The following USP48 variants were observed in gnomAD, a reference collection of about 807,000 sequenced individuals.
USP48 encodes the protein ubiquitin specific peptidase 48, also known as ubiquitin carboxyl-terminal hydrolase 48.
In USP48, 43 loss-of-function variants were observed where a neutral mutation model predicts 150.7. That is an observed-to-expected ratio of 0.29 (90% CI 0.22 to 0.37). USP48 has a LOEUF of 0.37. Ranked by LOEUF, USP48 falls within the 10% of genes least tolerant of loss-of-function variation. The probability of loss-of-function intolerance (pLI) is 1.00; values close to 1 mark genes in which losing one functional copy is unlikely to be tolerated. For synonymous variants in USP48, 396 were observed against 425.9 expected, an observed-to-expected ratio of 0.93 and a Z score of 0.86; for missense variants, 813 against 1,249.6, an observed-to-expected ratio of 0.65 and a Z score of 5.27.
intron 9 of USP48, among the ~76,000 whole-genome samples, chr1:21,734,186 G>A (rs755570685): frequency 9.2e-5 from 14 of 152,146 alleles, no homozygotes; most frequent in Non-Finnish European, 1.6e-4. Flanking sequence ...ATCGTCTAAG[G>A]GCAGGAATTC....
At chr1:21,721,277 AC>A in intron 13 of USP48, 111 bp from the exon 14 acceptor site, 1 of 1,409,742 alleles carries the variant, frequency 7.1e-7, no homozygotes. Flanking sequence ...AACATCAGCT[AC>A]TGTACATGTA....
chr1:21,746,479 TA>T (rs1320371216), intron 8 of USP48, among the ~76,000 whole-genome samples: 1 of 151,790 alleles, frequency 6.6e-6, no homozygotes, highest in Non-Finnish European at 1.5e-5. Flanking sequence ...CATAATATTT[TA>T]TAAGTACTAC....
At position 21,702,876 on chromosome 1, in the gene USP48, G is replaced by A. The variant is rs767970807; in HGVS notation, c.2622+636C>T. ...ACATGGCCAGTGACTACTGCAGTGC[G>A]CAGCACAGATACAGAACCTAGAACC... On this transcript the variant is annotated intron_variant, in intron 21 of 26. Coordinates refer to ENST00000308271, the MANE Select transcript of USP48 (RefSeq NM_032236.8). 3.3e-5 allele frequency among the ~76,000 whole-genome samples: 5 copies of A among 152,336 alleles called. No homozygotes were observed. The South Asian group carries it at 1.0e-3, about 32-fold the overall frequency.
intron 26 of USP48, among the ~76,000 whole-genome samples, chr1:21,680,523 T>C (rs1355422436): frequency 6.6e-6 from 1 of 152,186 alleles, no homozygotes; most frequent in Admixed American, 6.5e-5. Flanking sequence ...GAAATGCCAC[T>C]AGCTAATTTC....
intron 8 of USP48, among the ~76,000 whole-genome samples, chr1:21,737,931 T>C (rs2097772162): frequency 6.6e-6 from 1 of 152,100 alleles, no homozygotes; most frequent in Non-Finnish European, 1.5e-5. Flanking sequence ...CGGGGTCTTG[T>C]TCTGTCACCA....
At chr1:21,718,327 A>C (rs2097710371) in intron 14 of USP48, among the ~76,000 whole-genome samples, 1 of 152,246 alleles carries the variant, frequency 6.6e-6, no homozygotes, top group Non-Finnish European at 1.5e-5. Flanking sequence ...CTGTATTATA[A>C]AAAGCCACTA....
chr1:21,689,274 G>C (rs552837669), intron 24 of USP48, among the ~76,000 whole-genome samples: 1 of 137,752 alleles, frequency 7.3e-6, no homozygotes, highest in South Asian at 2.4e-4. Flanking sequence ...AGTATCATTA[G>C]TGTGGTTTTA....
chr1:21,715,826 T>C (rs193277441), intron 14 of USP48, among the ~76,000 whole-genome samples: 1 of 152,332 alleles, frequency 6.6e-6, no homozygotes, highest in Admixed American at 6.5e-5. Context: ...CCTACACTTT[T>C]TGGGGGTGAA....
intron 20 of USP48, among the ~76,000 whole-genome samples, chr1:21,703,856 C>T (rs2097664545): frequency 6.6e-6 from 1 of 152,140 alleles, no homozygotes; most frequent in African/African-American, 2.4e-5. Flanking sequence ...CTCAGCCTCT[C>T]AGCGAGTAGC....
At chr1:21,706,374 A>T in intron 17 of USP48, 93 bp downstream of exon 17, 1 of 1,565,834 alleles carries the variant, frequency 6.4e-7, no homozygotes, top group East Asian at 2.2e-5. Flanking sequence ...AGAATATGAG[A>T]AGTTCTGGGT....
At chr1:21,767,142 C>T (rs1412532315) in intron 1 of USP48, among the ~76,000 whole-genome samples, 1 of 152,132 alleles carries the variant, frequency 6.6e-6, no homozygotes, top group Non-Finnish European at 1.5e-5. Context: ...ACTCTACTCC[C>T]AGGCTCAGGT....
intron 3 of USP48, among the ~76,000 whole-genome samples, chr1:21,753,823 TAAAAAAAAAA>T (rs11308463): frequency 8.1e-5 from 7 of 86,638 alleles, no homozygotes; most frequent in African/African-American, 3.2e-4. Context: ...CGAGACTCTT[TAAAAAAAAAA>T]AAAAAAAAAA....
In USP48 at chr1:21,778,074, C is replaced by T. The variant is rs529196273; in HGVS notation, c.134+4750G>A. On this transcript the variant is annotated intron_variant, in intron 1 of 26. Transcript: ENST00000308271. ...AGGAGAATCGCTTGAACCTGGGAGG[C>T]GGAGGTTACAGTGAGCCGAGATGGC... Among the ~76,000 whole-genome samples the T allele has an allele frequency of 2.6e-3, 396 of 149,674 alleles. 1 individual carries two copies. Among genetic ancestry groups the T allele is most frequent in the Admixed American group, 5.4e-3 (81 of 15,000 alleles).
intron 8 of USP48, among the ~76,000 whole-genome samples, chr1:21,743,009 T>A (rs977961344): frequency 1.3e-5 from 2 of 152,184 alleles, no homozygotes; most frequent in Non-Finnish European, 2.9e-5. Flanking sequence ...TTAAAGTGGT[T>A]TAAAAATTTT....
chr1:21,774,351 G>C (rs972151351), intron 1 of USP48, among the ~76,000 whole-genome samples: 6 of 151,976 alleles, frequency 3.9e-5, no homozygotes, highest in Non-Finnish European at 7.4e-5. Flanking sequence ...CTATCTGTAT[G>C]TATGCTATGT....
At chr1:21,713,096 C>G (rs1229549055) in intron 15 of USP48, among the ~76,000 whole-genome samples, 1 of 148,122 alleles carries the variant, frequency 6.8e-6, no homozygotes, top group Non-Finnish European at 1.5e-5. Context: ...CTTTCTCACT[C>G]TCTCTTTCTT....
At chr1:21,701,472 C>A in intron 22 of USP48, 26 bp downstream of exon 22, 2 of 1,594,216 alleles carry the variant, frequency 1.3e-6, no homozygotes, top group Non-Finnish European at 1.7e-6. Context: ...GAAAGTATAA[C>A]AATGAAAAGC....
chr1:21,695,148 C>T lies in USP48; in HGVS notation c.2801G>A (p.Arg934Gln), dbSNP rs770151868. Residue 934 changes from arginine to glutamine, a missense_variant, in exon 23 of 27, where the codon CGA (arginine) becomes CAA (glutamine). Physicochemically the swap from Arg to Gln is conservative, Grantham distance 43. Transcript: ENST00000308271. ...YIAYQKQVIRRSMRHRKVRGE... is the reference protein window; with the variant it reads ...YIAYQKQVIRQSMRHRKVRGE... ...ACGAACTTTTCTATGTCGCATACTT[C>T]GGCGAATAACTTGCTTTTGATAGGC... The T allele has an allele frequency of 3.1e-6, 5 of 1,613,402 alleles. No homozygotes were observed. Among genetic ancestry groups the T allele is most frequent in the African/African-American group, 2.7e-5 (2 of 74,894 alleles).
chr1:21,745,146 A>G (rs1203891190), intron 8 of USP48, among the ~76,000 whole-genome samples: 1 of 152,196 alleles, frequency 6.6e-6, no homozygotes, highest in Non-Finnish European at 1.5e-5. Context: ...GCAATTAACA[A>G]AAGTTAATTG....
Sources: allele counts gnomAD v4.1 joint callset (sites outside exome capture counted in the v4.1 genomes callset), GRCh38; gene constraint gnomAD v4.1.1; transcripts MANE v1.5; gene names NCBI Gene and HGNC (gene_info 2026-07-23, HGNC 2026-07-21).